CCDC88C: variants seen among roughly 807,000 people sequenced by gnomAD.
CCDC88C encodes the protein protein Daple.
In CCDC88C, 131 loss-of-function variants were observed where a neutral mutation model predicts 198.8. The observed-to-expected ratio is 0.66, with a 90% confidence interval of 0.57 to 0.76. The LOEUF is 0.76. Among genes scored for constraint, CCDC88C ranks in the 30% least tolerant of loss-of-function variants. The pLI, the probability that CCDC88C is intolerant of heterozygous loss-of-function variation, is 0.00. For synonymous variants in CCDC88C, 1,166 were observed against 1,114.7 expected (o/e 1.05, Z -0.92); for missense variants, 2,553 against 2,631.6 (o/e 0.97, Z 0.65).
intron 28 of CCDC88C, among the ~76,000 whole-genome samples, chr14:91,279,030 T>A (rs1484262070): frequency 6.6e-6 from 1 of 150,696 alleles, no homozygotes; most frequent in Non-Finnish European, 1.5e-5. Flanking sequence ...GCCTCCTGAG[T>A]AGCTGGGACC....
At chr14:91,396,322 CCT>C (rs1176968939) in intron 3 of CCDC88C, among the ~76,000 whole-genome samples, 3 of 152,150 alleles carry the variant, frequency 2.0e-5, no homozygotes, top group Admixed American at 6.5e-5. Context: ...AAAGGAGAAA[CCT>C]CTGTTTTTTC....
intron 19 of CCDC88C, among the ~76,000 whole-genome samples, chr14:91,305,502 T>C (rs1390563109): frequency 6.6e-6 from 1 of 152,148 alleles, no homozygotes; most frequent in South Asian, 2.1e-4. Context: ...CTGGAAAACA[T>C]GGACAAGAAT....
At position 91,297,373 on chromosome 14, in the gene CCDC88C, A is replaced by G; in HGVS notation, c.3898T>C (p.Phe1300Leu). ...TGGTGCTGCTCCTTCAGCTCGTCGA[A>G]GCGGGCCTGCCAGCGGTTGAGCTCC... Reference protein sequence around the residue: ...QLELNRWQARFDELKEQHQTM... With the variant: ...QLELNRWQARLDELKEQHQTM... Residue 1300 changes from phenylalanine (F) to leucine (L), a missense_variant, in exon 22 of 30, where the codon TTC becomes CTC. Physicochemically the swap from Phe to Leu is conservative, Grantham distance 22. Around this residue, in one of 2 missense-constraint regions of CCDC88C, gnomAD observed 1,293 missense variants for 1,219.6 expected, o/e 1.06. Transcript: ENST00000389857. 6.2e-7 allele frequency: 1 copy of G among 1,613,542 alleles called. No individual in the cohort carries two copies.
intron 4 of CCDC88C, among the ~76,000 whole-genome samples, chr14:91,357,143 A>G (rs149753622): frequency 3.9e-5 from 6 of 152,342 alleles, no homozygotes; most frequent in African/African-American, 1.4e-4. Context: ...CTTACAGGCC[A>G]ACTGGTCAAG....
rs1028788660 is a variant in CCDC88C at position 91,352,434 on chromosome 14, C to T, written c.340+7208G>A. On this transcript the variant is annotated intron_variant, in intron 4 of 29. Coordinates refer to ENST00000389857, the MANE Select transcript of CCDC88C (RefSeq NM_001080414.4). This position sits in a 1 kb window ranked among gnomAD's most constrained non-coding sequence, Gnocchi z 4.2. ...GCACGTGGACTGGAGCCCTCATTTCCGGATCCAACAAGCAGCACAGAAGCA... is the reference window on the plus strand; with the variant it reads ...GCACGTGGACTGGAGCCCTCATTTCTGGATCCAACAAGCAGCACAGAAGCA... Among the ~76,000 whole-genome samples, 7 of 152,134 alleles carry T rather than the reference C, an allele frequency of 4.6e-5. No homozygotes were observed. The highest frequency in any genetic ancestry group is 4.4e-5 in the Non-Finnish European group (3 of 68,022).
intron 3 of CCDC88C, among the ~76,000 whole-genome samples, chr14:91,383,268 C>T (rs1219505869): frequency 1.3e-5 from 2 of 152,260 alleles, no homozygotes; most frequent in Non-Finnish European, 2.9e-5. Context: ...TTCCACAGAA[C>T]GGCTCATCTC....
Position 91,325,054 on chromosome 14 carries a change from G to A in CCDC88C, c.1198-131C>T. The stretch of plus-strand genomic sequence containing the variant: ...GTACTGGCTCACTTCCAAATAAACA[G>A]AGCTGCACAGAAACATCCCAACACA... On this transcript the variant is annotated intron_variant, in intron 11 of 29. Transcript: ENST00000389857. This position sits in a 1 kb window ranked among gnomAD's most constrained non-coding sequence, Gnocchi z 4.1. 8.6e-7 allele frequency: 1 copy of A among 1,169,524 alleles called. No individual in the cohort carries two copies. The highest frequency in any genetic ancestry group is 2.5e-5 in the East Asian group (1 of 39,454). 72.4% of individuals were successfully genotyped at this position (1,169,524 alleles called of 1,614,324 possible).
intron 23 of CCDC88C, among the ~76,000 whole-genome samples, chr14:91,293,499 CCTG>C (rs1890822150): frequency 6.9e-6 from 1 of 144,420 alleles, no homozygotes; most frequent in African/African-American, 2.6e-5. Context: ...CCCATCCTCA[CCTG>C]CCACGGCCTA....
chr14:91,386,199 T>G (rs1885125557), intron 3 of CCDC88C, among the ~76,000 whole-genome samples: 1 of 151,610 alleles, frequency 6.6e-6, no homozygotes, highest in Admixed American at 6.6e-5. Context: ...ATCCCAGCAC[T>G]TTGGGAGGCC....
intron 16 of CCDC88C, among the ~76,000 whole-genome samples, chr14:91,309,609 C>CAA (rs376702299): frequency 0.012 from 1,333 of 114,334 alleles, 17 homozygotes; most frequent in African/African-American, 0.03. Flanking sequence ...GACCCTGTCT[C>CAA]AAAAAAAAAA....
chr14:91,353,635 G>A (rs1283228074), intron 4 of CCDC88C, among the ~76,000 whole-genome samples: 2 of 152,228 alleles, frequency 1.3e-5, no homozygotes, highest in African/African-American at 2.4e-5. Flanking sequence ...AGCCGGTGCA[G>A]TAGATAGAGT....
chr14:91,417,193 CCA>C (rs1567132803), intron 1 of CCDC88C: 4 of 703,162 alleles, frequency 5.7e-6, no homozygotes, highest in Non-Finnish European at 1.0e-5. Flanking sequence ...TCGGCGCCCC[CCA>C]TTCCCCACCC....
Position 91,371,112 on chromosome 14 carries a change from C to T in CCDC88C, c.271-11401G>A, listed in dbSNP as rs1401423924. On this transcript the variant is annotated intron_variant, in intron 3 of 29. Coordinates refer to ENST00000389857, the MANE Select transcript of CCDC88C (RefSeq NM_001080414.4). The surrounding 1 kb of genome is among the most constrained non-coding windows in gnomAD (Gnocchi z 4.2). The stretch of plus-strand genomic sequence containing the variant: ...CTGCAGCAGTTCTGGGCTGCCCTTT[C>T]CTCTGTCCCTAAGTCCACCCCTCCT... Among the ~76,000 whole-genome samples the T allele has an allele frequency of 6.6e-6, 1 of 152,190 alleles. No individual in the cohort carries two copies. The highest frequency in any genetic ancestry group is 1.5e-5 in the Non-Finnish European group (1 of 68,038).
intron 22 of CCDC88C, among the ~76,000 whole-genome samples, chr14:91,295,000 A>G (rs1488975990): frequency 1.3e-5 from 2 of 152,124 alleles, no homozygotes; most frequent in African/African-American, 4.8e-5. Flanking sequence ...TTGGGGTGCA[A>G]TGGGAAAATC....
intron 11 of CCDC88C, 72 bp from the exon 12 acceptor site, chr14:91,324,995 T>C (rs1033332733): frequency 1.0e-5 from 16 of 1,579,174 alleles, no homozygotes; most frequent in Non-Finnish European, 1.2e-5. Context: ...CCTCAGCCCC[T>C]GTATAGCTAC....
chr14:91,304,642 A>G (rs1235567765), intron 19 of CCDC88C, among the ~76,000 whole-genome samples: 1 of 152,188 alleles, frequency 6.6e-6, no homozygotes, highest in Non-Finnish European at 1.5e-5. Flanking sequence ...ATATCTGTAA[A>G]TAAGGATATA....
At chr14:91,368,912 C>T (rs1014264828) in intron 3 of CCDC88C, among the ~76,000 whole-genome samples, 21 of 152,228 alleles carry the variant, frequency 1.4e-4, no homozygotes, top group African/African-American at 4.8e-4. Flanking sequence ...AACCAGCCAA[C>T]CTCAGGCCCC....
chr14:91,294,658 CGTTT>C (rs1193042050), intron 22 of CCDC88C, among the ~76,000 whole-genome samples: 2 of 152,144 alleles, frequency 1.3e-5, no homozygotes, highest in Non-Finnish European at 2.9e-5. Context: ...ATAATGTTTT[CGTTT>C]GTTTGTTTTG....
chr14:91,397,961 C>A (rs2065352017), intron 3 of CCDC88C, among the ~76,000 whole-genome samples: 1 of 152,260 alleles, frequency 6.6e-6, no homozygotes, highest in Non-Finnish European at 1.5e-5. Flanking sequence ...CTTTCCGGGG[C>A]TGTTTCCTGA....
Sources: allele counts gnomAD v4.1 joint callset (sites outside exome capture counted in the v4.1 genomes callset), GRCh38; gene constraint gnomAD v4.1.1; regional missense constraint gnomAD v4.1.1; non-coding constraint Gnocchi (gnomAD v3.1); transcripts MANE v1.5; gene names NCBI Gene and HGNC (gene_info 2026-07-23, HGNC 2026-07-21).